The following ST6GALNAC5 variants were observed in gnomAD, a reference collection of about 807,000 sequenced individuals.
ST6GALNAC5 encodes the protein alpha-N-acetylgalactosaminide alpha-2,6-sialyltransferase 5.
A neutral mutation model predicts 33.6 loss-of-function variants in ST6GALNAC5; 27 were observed. The observed-to-expected ratio is 0.80, with a 90% CI of 0.59 to 1.11. ST6GALNAC5 has a LOEUF of 1.11. Among genes scored for constraint, ST6GALNAC5 ranks in the 50% least tolerant of loss-of-function variants. The pLI is 0.00. For synonymous variants in ST6GALNAC5, 194 were observed against 171.2 expected, an observed-to-expected ratio of 1.13 and a Z score of -1.04; for missense variants, 428 against 454.0, an observed-to-expected ratio of 0.94 and a Z score of 0.52.
At chr1:76,933,763 CAAA>C (rs35621324) in intron 2 of ST6GALNAC5, among the ~76,000 whole-genome samples, 7 of 67,618 alleles carry the variant, frequency 1.0e-4, no homozygotes, top group South Asian at 6.4e-4. Flanking sequence ...TTTTCTCTGC[CAAA>C]AAAAAAAAAA....
chr1:76,924,798 C>T (rs908885669), intron 2 of ST6GALNAC5, among the ~76,000 whole-genome samples: 6 of 152,136 alleles, frequency 3.9e-5, no homozygotes, highest in African/African-American at 7.2e-5. Context: ...TGCGTCCAAA[C>T]ATTCCTGACC....
At chr1:76,979,252 A>G (rs1649149890) in intron 2 of ST6GALNAC5, among the ~76,000 whole-genome samples, 1 of 152,206 alleles carries the variant, frequency 6.6e-6, no homozygotes, top group Non-Finnish European at 1.5e-5. Context: ...GACATTCTTT[A>G]CAGAAATGGA....
chr1:77,026,299 G>A (rs562021252), intron 2 of ST6GALNAC5, among the ~76,000 whole-genome samples: 2 of 152,306 alleles, frequency 1.3e-5, no homozygotes, highest in South Asian at 2.1e-4. Context: ...ATAACCCTCT[G>A]CTCCTCTTAT....
At chr1:76,982,261 C>A (rs1649287258) in intron 2 of ST6GALNAC5, among the ~76,000 whole-genome samples, 1 of 151,994 alleles carries the variant, frequency 6.6e-6, no homozygotes, top group African/African-American at 2.4e-5. Flanking sequence ...AGCTAAAAAC[C>A]CTGAAAAAAG....
intron 2 of ST6GALNAC5, among the ~76,000 whole-genome samples, chr1:76,908,185 A>T (rs1646881628): frequency 6.6e-6 from 1 of 152,128 alleles, no homozygotes; most frequent in Non-Finnish European, 1.5e-5. Context: ...ATAACAAAAT[A>T]TACCATGAAC....
At chr1:77,006,709 G>A (rs1054171517) in intron 2 of ST6GALNAC5, among the ~76,000 whole-genome samples, 1 of 152,130 alleles carries the variant, frequency 6.6e-6, no homozygotes, top group African/African-American at 2.4e-5. Context: ...CTATTGCTAT[G>A]CAACCAACCA....
chr1:76,926,816 A>G (rs1024903203), intron 2 of ST6GALNAC5, among the ~76,000 whole-genome samples: 1 of 152,170 alleles, frequency 6.6e-6, no homozygotes, highest in African/African-American at 2.4e-5. Context: ...CCATACCTTT[A>G]TCAGTATTAC....
intron 2 of ST6GALNAC5, among the ~76,000 whole-genome samples, chr1:76,977,105 A>G (rs1649041828): frequency 6.6e-6 from 1 of 151,744 alleles, no homozygotes; most frequent in East Asian, 1.9e-4. Flanking sequence ...CTCTTTCTTC[A>G]CTTATTTTTC....
chr1:77,011,033 G>A (rs936505167), intron 2 of ST6GALNAC5, among the ~76,000 whole-genome samples: 1 of 152,218 alleles, frequency 6.6e-6, no homozygotes, highest in East Asian at 1.9e-4. Context: ...TGAAGTCTGA[G>A]GTTCTGCTGT....
chr1:76,900,200 G>C (rs1486606913), intron 2 of ST6GALNAC5, among the ~76,000 whole-genome samples: 1 of 152,118 alleles, frequency 6.6e-6, no homozygotes, highest in African/African-American at 2.4e-5. Flanking sequence ...CAGTAGGGGA[G>C]ATTTTGAGCC....
chr1:76,969,015 T>A lies in ST6GALNAC5; in HGVS notation c.262-75189T>A, dbSNP rs1325147504. On this transcript the variant is annotated intron_variant, in intron 2 of 4. Coordinates refer to ENST00000477717, the MANE Select transcript of ST6GALNAC5 (RefSeq NM_030965.3). Reference sequence around the variant, plus strand: ...TTTCTCTCTGGTTGCCCTTAACTTTTTTCCCTTCATTTCAACCTTGGAGAA... The same window carrying A: ...TTTCTCTCTGGTTGCCCTTAACTTTATTCCCTTCATTTCAACCTTGGAGAA... Among the ~76,000 whole-genome samples, 3 of 152,176 alleles carry A rather than the reference T, an allele frequency of 2.0e-5. No individual in the cohort carries two copies. In the East Asian group the frequency reaches 5.8e-4, roughly 29 times the overall value.
chr1:77,008,200 A>G (rs1208427401), intron 2 of ST6GALNAC5, among the ~76,000 whole-genome samples: 1 of 152,224 alleles, frequency 6.6e-6, no homozygotes, highest in African/African-American at 2.4e-5. Context: ...TTAGTTTGCC[A>G]GCTAAAACTC....
rs1401748352 is a variant in ST6GALNAC5 at position 77,032,942 on chromosome 1, T to A, written c.262-11262T>A. On this transcript the variant is annotated intron_variant, in intron 2 of 4. Transcript: ENST00000477717. Reference sequence around the variant, plus strand: ...AACAGCAGAGGCCAGAGAAGCCAGTTTTGTGGAATCGGGCTTGTCGGGCCA... The same window carrying A: ...AACAGCAGAGGCCAGAGAAGCCAGTATTGTGGAATCGGGCTTGTCGGGCCA... 3.9e-5 allele frequency among the ~76,000 whole-genome samples: 6 copies of A among 152,174 alleles called. No homozygotes were observed. In the East Asian group the frequency reaches 9.6e-4, roughly 24 times the overall value.
At chr1:77,001,568 G>T (rs1399775502) in intron 2 of ST6GALNAC5, among the ~76,000 whole-genome samples, 1 of 150,758 alleles carries the variant, frequency 6.6e-6, no homozygotes, top group Non-Finnish European at 1.5e-5. Flanking sequence ...CCTGTCTTGT[G>T]CCAGTTTTCG....
intron 3 of ST6GALNAC5, among the ~76,000 whole-genome samples, chr1:77,048,140 C>G (rs954161077): frequency 6.6e-6 from 1 of 152,214 alleles, no homozygotes; most frequent in Non-Finnish European, 1.5e-5. Context: ...ACCCACAAAG[C>G]CTTTTCCTGT....
At chr1:76,912,812 G>A (rs1646928443) in intron 2 of ST6GALNAC5, among the ~76,000 whole-genome samples, 1 of 151,986 alleles carries the variant, frequency 6.6e-6, no homozygotes, top group African/African-American at 2.4e-5. Context: ...GCCTATGTGT[G>A]TCTGCACATG....
At chr1:76,954,840 C>T (rs1210787320) in intron 2 of ST6GALNAC5, among the ~76,000 whole-genome samples, 2 of 152,122 alleles carry the variant, frequency 1.3e-5, no homozygotes, top group Non-Finnish European at 2.9e-5. Context: ...TTGGCTCTGA[C>T]ATTTACCAGC....
At chr1:77,053,692 C>G (rs115149299) in intron 4 of ST6GALNAC5, among the ~76,000 whole-genome samples, 1 of 152,024 alleles carries the variant, frequency 6.6e-6, no homozygotes, top group African/African-American at 2.4e-5. Flanking sequence ...AGAGTTTATA[C>G]GATAATTGCA....
intron 2 of ST6GALNAC5, among the ~76,000 whole-genome samples, chr1:76,919,455 C>T (rs1367244712): frequency 6.6e-6 from 1 of 152,142 alleles, no homozygotes; most frequent in East Asian, 1.9e-4. Flanking sequence ...ATTTAGTCTT[C>T]AAGGCATGTC....
Sources: allele counts gnomAD v4.1 joint callset (sites outside exome capture counted in the v4.1 genomes callset), GRCh38; gene constraint gnomAD v4.1.1; transcripts MANE v1.5; gene names NCBI Gene and HGNC (gene_info 2026-07-23, HGNC 2026-07-21).